ETV6: variants seen among roughly 807,000 people sequenced by gnomAD.
ETV6 encodes transcription factor ETV6.
In ETV6, 16 loss-of-function variants were observed where a neutral mutation model predicts 51.1. The ratio of observed to expected loss-of-function variants is 0.31; its 90% CI spans 0.21 to 0.48. The LOEUF (loss-of-function observed/expected upper bound fraction) is 0.48, where lower values mean the gene tolerates loss of function less well. ETV6 is among the 20% of genes least tolerant of loss of function. ETV6 has a pLI of 0.99. For synonymous variants in ETV6, 240 were observed against 224.1 expected, an observed-to-expected ratio of 1.07 and a Z score of -0.64; for missense variants, 458 against 594.8, an observed-to-expected ratio of 0.77 and a Z score of 2.39.
intron 1 of ETV6, among the ~76,000 whole-genome samples, chr12:11,741,083 G>A (rs1865798894): frequency 1.3e-5 from 2 of 152,194 alleles, no homozygotes; most frequent in Non-Finnish European, 2.9e-5. Flanking sequence ...AGGGTTCTAA[G>A]ATTTTACTAA....
At chr12:11,724,448 A>G (rs1409300233) in intron 1 of ETV6, among the ~76,000 whole-genome samples, 1 of 152,190 alleles carries the variant, frequency 6.6e-6, no homozygotes, top group Admixed American at 6.5e-5. Context: ...TGTGATTTTC[A>G]AGGGTCTATT....
intron 4 of ETV6, among the ~76,000 whole-genome samples, chr12:11,867,212 C>G (rs756826658): frequency 1.5e-4 from 23 of 152,206 alleles, no homozygotes; most frequent in Non-Finnish European, 3.1e-4. Context: ...ACACGCCACT[C>G]TGCTATTGTT....
chr12:11,685,765 G>A (rs1359421959), intron 1 of ETV6, among the ~76,000 whole-genome samples: 1 of 152,076 alleles, frequency 6.6e-6, no homozygotes. Context: ...ATAAAATGGG[G>A]CATTATGTTC....
intron 1 of ETV6, among the ~76,000 whole-genome samples, chr12:11,731,363 A>G (rs772068408): frequency 2.0e-5 from 3 of 152,184 alleles, no homozygotes; most frequent in Admixed American, 6.5e-5. Flanking sequence ...CCCTGATCAG[A>G]TGGTTTTCTA....
chr12:11,721,442 T>G (rs1865384886), intron 1 of ETV6, among the ~76,000 whole-genome samples: 1 of 152,306 alleles, frequency 6.6e-6, no homozygotes, highest in African/African-American at 2.4e-5. Flanking sequence ...TTGGAAGAGC[T>G]GGAAACCATA....
At position 11,776,689 on chromosome 12, in the gene ETV6, C is replaced by T. The variant is rs114362956; in HGVS notation, c.163+24110C>T. Among the ~76,000 whole-genome samples the T allele has an allele frequency of 8.8e-3, 1,345 of 152,288 alleles. 21 individuals are homozygous for T. Among genetic ancestry groups the T allele is most frequent in the African/African-American group, 0.03 (1,248 of 41,558 alleles). ...TGGAAGTGAAATGAAAAATCACCAG[C>T]AGCCGCAGAACAAAAATATAATCCA... On this transcript the variant is annotated intron_variant, in intron 2 of 7. Transcript: ENST00000396373.
In ETV6 at chr12:11,741,575, G is replaced by A. The variant is rs144353795; in HGVS notation, c.34-10875G>A. On this transcript the variant is annotated intron_variant, in intron 1 of 7. Coordinates refer to ENST00000396373, the MANE Select transcript of ETV6 (RefSeq NM_001987.5). ...GAAGCCTTCCTTGGGGTGGACATGGGGGGAGCTGCAGAGGCAATAGGGAGA... is the reference window on the plus strand; with the variant it reads ...GAAGCCTTCCTTGGGGTGGACATGGAGGGAGCTGCAGAGGCAATAGGGAGA... Among the ~76,000 whole-genome samples the A allele has an allele frequency of 2.7e-3, 416 of 152,334 alleles. 3 individuals carry two copies. The highest frequency in any genetic ancestry group is 8.7e-3 in the African/African-American group (360 of 41,578).
At chr12:11,716,330 CAAAAAAAAA>C (rs3049068) in intron 1 of ETV6, among the ~76,000 whole-genome samples, 9 of 58,090 alleles carry the variant, frequency 1.5e-4, no homozygotes, top group East Asian at 6.6e-4. Context: ...GACTCCTTCT[CAAAAAAAAA>C]AAAAAAAAAA....
intron 1 of ETV6, among the ~76,000 whole-genome samples, chr12:11,661,985 T>C (rs1051144622): frequency 2.0e-5 from 3 of 152,200 alleles, no homozygotes; most frequent in East Asian, 1.9e-4. Flanking sequence ...TGCAGCGTGC[T>C]GTAAGAGTAT....
chr12:11,733,822 G>A (rs557945658), intron 1 of ETV6, among the ~76,000 whole-genome samples: 2 of 152,302 alleles, frequency 1.3e-5, no homozygotes, highest in South Asian at 2.1e-4. Context: ...AAATCCAGGC[G>A]AAGCTGATGC....
At chr12:11,689,415 C>T (rs906374299) in intron 1 of ETV6, among the ~76,000 whole-genome samples, 4 of 152,154 alleles carry the variant, frequency 2.6e-5, no homozygotes, top group Non-Finnish European at 2.9e-5. Flanking sequence ...AAGCACAGTA[C>T]ATTTGCTATT....
chr12:11,851,465 G>A (rs1946553287), intron 3 of ETV6, among the ~76,000 whole-genome samples: 1 of 152,116 alleles, frequency 6.6e-6, no homozygotes, highest in African/African-American at 2.4e-5. Context: ...CTGTATTTCA[G>A]GCTTCTTATC....
At chr12:11,719,800 A>G (rs1324138467) in intron 1 of ETV6, among the ~76,000 whole-genome samples, 2 of 152,194 alleles carry the variant, frequency 1.3e-5, no homozygotes, top group Non-Finnish European at 2.9e-5. Flanking sequence ...GAGGACTGGT[A>G]ACAGACCCTC....
chr12:11,799,973 C>T (rs1223260838), intron 2 of ETV6, among the ~76,000 whole-genome samples: 11 of 152,098 alleles, frequency 7.2e-5, no homozygotes, highest in Non-Finnish European at 1.5e-5. Flanking sequence ...GCTATGTTGC[C>T]CAGGCTCTTG....
At chr12:11,689,222 G>C (rs1455812589) in intron 1 of ETV6, among the ~76,000 whole-genome samples, 1 of 152,090 alleles carries the variant, frequency 6.6e-6, no homozygotes, top group Non-Finnish European at 1.5e-5. Flanking sequence ...TGGGGCTGGG[G>C]ACAGGGAGTA....
chr12:11,769,857 A>G (rs1945215962), intron 2 of ETV6, among the ~76,000 whole-genome samples: 2 of 152,298 alleles, frequency 1.3e-5, no homozygotes, highest in African/African-American at 2.4e-5. Context: ...AGCTGTCTTC[A>G]GAACAGGTGT....
At chr12:11,785,296 C>T (rs1363261289) in intron 2 of ETV6, among the ~76,000 whole-genome samples, 8 of 152,274 alleles carry the variant, frequency 5.3e-5, no homozygotes, top group Admixed American at 3.3e-4. Context: ...TGAACCACTG[C>T]GTCCCTCCTT....
intron 2 of ETV6, among the ~76,000 whole-genome samples, chr12:11,775,233 G>T (rs1048931241): frequency 5.9e-5 from 9 of 152,252 alleles, no homozygotes; most frequent in African/African-American, 2.2e-4. Flanking sequence ...GCCTCAGGAA[G>T]ATGACTGGAT....
intron 1 of ETV6, among the ~76,000 whole-genome samples, chr12:11,744,190 C>G (rs1429507575): frequency 1.3e-5 from 2 of 152,162 alleles, no homozygotes; most frequent in African/African-American, 4.8e-5. Context: ...TCTAATGGTG[C>G]CCTTGATACA....
Sources: gnomAD v4.1 joint callset for allele counts (sites outside exome capture counted in the v4.1 genomes callset) on GRCh38, gnomAD v4.1.1 for gene constraint, MANE v1.5 for transcripts, NCBI Gene and HGNC (gene_info 2026-07-23, HGNC 2026-07-21) for gene names.